NUP210: variants seen among roughly 807,000 people sequenced by gnomAD.
NUP210 encodes the protein nucleoporin 210.
Under a neutral mutation model 196.0 loss-of-function variants are expected in NUP210, and 151 were observed. The observed-to-expected ratio is 0.77, with a 90% CI of 0.67 to 0.88. The LOEUF (loss-of-function observed/expected upper bound fraction) is 0.88. Among genes scored for constraint, NUP210 ranks in the 40% least tolerant of loss-of-function variants. The pLI, the probability that NUP210 is intolerant of heterozygous loss-of-function variation, is 0.00. For synonymous variants in NUP210, 1,070 were observed against 1,052.7 expected, an observed-to-expected ratio of 1.02 and a Z score of -0.32; for missense variants, 2,314 against 2,493.7, an observed-to-expected ratio of 0.93 and a Z score of 1.53.
chr3:13,370,192 C>T (rs1698682173), intron 13 of NUP210, among the ~76,000 whole-genome samples: 1 of 151,106 alleles, frequency 6.6e-6, no homozygotes, highest in Non-Finnish European at 1.5e-5. Flanking sequence ...GGGCCCTACA[C>T]ACCTCCCTAC....
chr3:13,339,970 C>T lies in NUP210; in HGVS notation c.3355G>A (p.Val1119Ile), dbSNP rs200757323. ...NILFSISNESVALVSAAGLVQ... is the reference protein window; with the variant it reads ...NILFSISNESIALVSAAGLVQ... ...AGCCCAGCAGCGCTCACCAGCGCAACGCTCTCATTGCTGATGGAGAAAAGG... is the reference window on the plus strand; with the variant it reads ...AGCCCAGCAGCGCTCACCAGCGCAATGCTCTCATTGCTGATGGAGAAAAGG... Residue 1119 changes from valine (V) to isoleucine (I), a missense_variant, in exon 25 of 40, where the codon GTT becomes ATT. Transcript: ENST00000254508. 19 of 1,613,960 alleles carry T rather than the reference C, an allele frequency of 1.2e-5. No homozygotes were observed. The highest frequency in any genetic ancestry group is 3.3e-5 in the South Asian group (3 of 91,092).
intron 20 of NUP210, 39 bp from the exon 21 acceptor site, chr3:13,343,342 GTT>G: frequency 1.1e-5 from 7 of 655,950 alleles, no homozygotes; most frequent in Non-Finnish European, 1.7e-5. Flanking sequence ...TGGGTGGTGG[GTT>G]ACGCAGCTGC....
At chr3:13,321,304 A>G (rs1696518165) in intron 36 of NUP210, among the ~76,000 whole-genome samples, 1 of 152,220 alleles carries the variant, frequency 6.6e-6, no homozygotes. Context: ...CCACACGCTC[A>G]CTGGCACCTT....
rs1398095762 is a variant in NUP210, at chr3:13,348,982, A to C, written c.2835+2897T>G. 2.4e-6 allele frequency: 2 copies of C among 843,524 alleles called. No homozygotes were observed. Among genetic ancestry groups the C allele is most frequent in the Non-Finnish European group, 2.9e-6 (2 of 700,428 alleles). The allele number at this position is 843,524 out of a possible 1,614,324, so 52.3% of individuals were successfully genotyped here. On this transcript the variant is annotated intron_variant, in intron 20 of 39. Coordinates refer to ENST00000254508, the MANE Select transcript of NUP210 (RefSeq NM_024923.4). The surrounding 1 kb of genome is among the most constrained non-coding windows in gnomAD (Gnocchi z 4.0). ...TGAAAATCAGAAGCTCTTGCCTCAC[A>C]GGCCCACACCCCCACACATCAAAAA...
At chr3:13,403,761 G>A (rs1052317223) in intron 1 of NUP210, among the ~76,000 whole-genome samples, 5 of 152,150 alleles carry the variant, frequency 3.3e-5, no homozygotes, top group Admixed American at 6.5e-5. Flanking sequence ...GAGCCTGGGG[G>A]AGAGAGAAAG....
At chr3:13,376,607 T>A (rs1698919369) in intron 9 of NUP210, among the ~76,000 whole-genome samples, 176 bp from the exon 10 acceptor site, 1 of 152,194 alleles carries the variant, frequency 6.6e-6, no homozygotes, top group East Asian at 1.9e-4. Flanking sequence ...AACAGAGGTC[T>A]GATCACTATG....
intron 3 of NUP210, among the ~76,000 whole-genome samples, chr3:13,394,061 A>C (rs1040419983): frequency 2.0e-5 from 3 of 152,222 alleles, no homozygotes; most frequent in Non-Finnish European, 2.9e-5. Flanking sequence ...CTTGTATCCC[A>C]GGGCAGGGGG....
At chr3:13,321,299 C>T (rs569691216) in intron 36 of NUP210, among the ~76,000 whole-genome samples, 7 of 152,232 alleles carry the variant, frequency 4.6e-5, no homozygotes, top group East Asian at 1.9e-4. Context: ...ACGCACCACA[C>T]GCTCACTGGC....
chr3:13,328,113 C>A (rs1696850484), intron 31 of NUP210, among the ~76,000 whole-genome samples: 1 of 152,234 alleles, frequency 6.6e-6, no homozygotes, highest in Non-Finnish European at 1.5e-5. Context: ...GCCAGAATGA[C>A]CTGCAGTGCA....
intron 25 of NUP210, 25 bp from the exon 26 acceptor site, chr3:13,337,942 G>A (rs757441765): frequency 4.4e-6 from 7 of 1,605,924 alleles, no homozygotes; most frequent in South Asian, 3.3e-5. Flanking sequence ...TGGCACTTAG[G>A]TGTGGGGATG....
rs542325249 is a variant in NUP210, at chr3:13,414,460, C to T, written c.167+5600G>A. Among the ~76,000 whole-genome samples the T allele has an allele frequency of 1.2e-4, 19 of 152,148 alleles. No individual in the cohort carries two copies. The South Asian group carries it at 3.7e-3, about 30-fold the overall frequency. ...GCAGGGGCCACAGCTACAGACAGCC[C>T]TCAGGGGCCAGGGAGAACGAGGCCC... On this transcript the variant is annotated intron_variant, in intron 1 of 39. Transcript: ENST00000254508.
intron 15 of NUP210, among the ~76,000 whole-genome samples, chr3:13,359,144 C>A (rs964352196): frequency 3.3e-5 from 5 of 152,274 alleles, no homozygotes; most frequent in African/African-American, 1.2e-4. Flanking sequence ...GCAGTGTCCT[C>A]CGTGACTCCA....
Position 13,316,519 on chromosome 3 carries a change from G to A in NUP210, c.*1162C>T, listed in dbSNP as rs970302316. ...CTCGGCCTGGAGCACAGGGGCCTGT[G>A]ATCTGAGAATCTCAGATCCAGAATC... is the stretch of plus-strand genomic sequence containing the variant. On this transcript the variant is annotated 3_prime_UTR_variant, in exon 40 of 40. Coordinates refer to ENST00000254508, the MANE Select transcript of NUP210 (RefSeq NM_024923.4). The A allele has an allele frequency of 5.1e-4, 78 of 152,438 alleles. No individual in the cohort carries two copies. The highest frequency in any genetic ancestry group is 1.8e-3 in the African/African-American group (75 of 41,594). The allele number at this position is 152,438 out of a possible 1,614,324, so 9.4% of individuals were successfully genotyped here.
chr3:13,343,370 TC>T, intron 20 of NUP210, 67 bp from the exon 21 acceptor site: 1 of 1,567,934 alleles, frequency 6.4e-7, no homozygotes, highest in Non-Finnish European at 8.7e-7. Flanking sequence ...CCCCCTCTGC[TC>T]AGGTTTGTGA....
At chr3:13,343,682 G>A (rs1351860330) in intron 20 of NUP210, among the ~76,000 whole-genome samples, 4 of 152,356 alleles carry the variant, frequency 2.6e-5, no homozygotes, top group Middle Eastern at 3.4e-3. Flanking sequence ...AGGGCAGAGT[G>A]AGGATGCAGT....
At chr3:13,326,825 C>A (rs986964980) in intron 32 of NUP210, among the ~76,000 whole-genome samples, 3 of 152,270 alleles carry the variant, frequency 2.0e-5, no homozygotes, top group Non-Finnish European at 4.4e-5. Context: ...GGATGCCCCA[C>A]AGGGGCAGGG....
At chr3:13,368,430 A>C (rs1698615045) in intron 13 of NUP210, among the ~76,000 whole-genome samples, 1 of 152,240 alleles carries the variant, frequency 6.6e-6, no homozygotes. Flanking sequence ...AATACAACTA[A>C]GATAAAATTT....
chr3:13,372,938 G>A (rs907473661), intron 12 of NUP210, among the ~76,000 whole-genome samples: 2 of 152,158 alleles, frequency 1.3e-5, no homozygotes, highest in East Asian at 3.9e-4. Flanking sequence ...TTATCCCAAC[G>A]CTGGACCTCA....
chr3:13,366,813 G>A (rs944885671), intron 13 of NUP210, among the ~76,000 whole-genome samples: 1 of 149,794 alleles, frequency 6.7e-6, no homozygotes, highest in African/African-American at 2.4e-5. Context: ...CACCGCACCC[G>A]GCCCTGATTT....
Sources: allele counts gnomAD v4.1 joint callset (sites outside exome capture counted in the v4.1 genomes callset), GRCh38; gene constraint gnomAD v4.1.1; non-coding constraint Gnocchi (gnomAD v3.1); transcripts MANE v1.5; gene names NCBI Gene and HGNC (gene_info 2026-07-23, HGNC 2026-07-21).